SLC2A2: variants seen among roughly 807,000 people sequenced by gnomAD.
SLC2A2 encodes the protein solute carrier family 2, facilitated glucose transporter member 2.
In SLC2A2, 36 loss-of-function variants were observed where a neutral mutation model predicts 54.5. That is an observed-to-expected ratio of 0.66 (90% CI 0.51 to 0.87). The LOEUF is 0.87. Among genes scored for constraint, SLC2A2 ranks in the 40% least tolerant of loss-of-function variants. The pLI, the probability that SLC2A2 is intolerant of heterozygous loss-of-function variation, is 0.00. For missense variants in SLC2A2, 543 were observed against 624.3 expected (o/e 0.87, Z 1.39); for synonymous variants, 223 against 219.1 (o/e 1.02, Z -0.16).
At chr3:171,000,554 T>C (rs1315127432) in intron 8 of SLC2A2, among the ~76,000 whole-genome samples, 1 of 148,474 alleles carries the variant, frequency 6.7e-6, no homozygotes, top group Non-Finnish European at 1.5e-5. Context: ...CTCACGCAAA[T>C]CCTGGGCTCT....
At chr3:171,015,914 A>T (rs1021231441) in intron 2 of SLC2A2, among the ~76,000 whole-genome samples, 6 of 152,162 alleles carry the variant, frequency 3.9e-5, no homozygotes. Context: ...TATAATTCAG[A>T]TGAATTATAG....
chr3:171,020,378 C>T (rs1716396670), intron 1 of SLC2A2, among the ~76,000 whole-genome samples: 1 of 152,076 alleles, frequency 6.6e-6, no homozygotes, highest in Non-Finnish European at 1.5e-5. Context: ...GGATTAGAAT[C>T]TCTGGGGTGG....
intron 2 of SLC2A2, among the ~76,000 whole-genome samples, chr3:171,017,310 G>A (rs11924032): frequency 0.29 from 43,911 of 151,918 alleles, 6,677 homozygotes; most frequent in African/African-American, 0.38. Context: ...ACACAAAAAA[G>A]ATATGACCCT....
At chr3:171,010,176 G>A in intron 3 of SLC2A2, 94 bp from the exon 4 acceptor site, 1 of 1,296,172 alleles carries the variant, frequency 7.7e-7, no homozygotes. Context: ...TTTAACCTAA[G>A]AGCAATTATT....
At chr3:170,999,983 C>T (rs1715271623) in intron 8 of SLC2A2, among the ~76,000 whole-genome samples, 1 of 152,028 alleles carries the variant, frequency 6.6e-6, no homozygotes, top group African/African-American at 2.4e-5. Context: ...GCTGGTGAGT[C>T]ACTCTCCCCC....
intron 1 of SLC2A2, among the ~76,000 whole-genome samples, chr3:171,022,173 C>T (rs1400306390): frequency 6.6e-6 from 1 of 152,206 alleles, no homozygotes; most frequent in African/African-American, 2.4e-5. Context: ...ATTAGTTTAA[C>T]ATCTCACAGT....
intron 5 of SLC2A2, among the ~76,000 whole-genome samples, chr3:171,006,378 T>C (rs1007978403): frequency 3.3e-5 from 5 of 151,984 alleles, no homozygotes; most frequent in African/African-American, 7.2e-5. Flanking sequence ...TTAACTCCAA[T>C]TGGACAGTCA....
Position 171,009,828 on chromosome 3 carries a change from T to C in SLC2A2, c.496+130A>G, listed in dbSNP as rs1160794744. On this transcript the variant is annotated intron_variant, in intron 4 of 10. Coordinates refer to ENST00000314251, the MANE Select transcript of SLC2A2 (RefSeq NM_000340.2). Reference sequence around the variant, plus strand: ...GGATTTCAACTTTATGCTATTGCCTTTCCCTCTGTGATGTCACCCTAGACT... The same window carrying C: ...GGATTTCAACTTTATGCTATTGCCTCTCCCTCTGTGATGTCACCCTAGACT... 3.8e-6 allele frequency: 5 copies of C among 1,309,392 alleles called. No homozygotes were observed. In the African/African-American group the frequency reaches 7.4e-5, roughly 19 times the overall value. The allele number at this position is 1,309,392 out of a possible 1,614,324, so 81.1% of individuals were successfully genotyped here.
At position 171,019,945 on chromosome 3, in the gene SLC2A2, A is replaced by T. The variant is rs143420045; in HGVS notation, c.16-1322T>A. 3.5e-4 allele frequency among the ~76,000 whole-genome samples: 53 copies of T among 152,322 alleles called. 1 individual carries two copies. The highest frequency in any genetic ancestry group is 1.1e-3 in the African/African-American group (45 of 41,574). Reference sequence around the variant, plus strand: ...GAAGGAAATTTTTTCTTGTATTCATATGATTAGACATTTCATAAGGAAGAT... The same window carrying T: ...GAAGGAAATTTTTTCTTGTATTCATTTGATTAGACATTTCATAAGGAAGAT... On this transcript the variant is annotated intron_variant, in intron 1 of 10. Coordinates refer to ENST00000314251, the MANE Select transcript of SLC2A2 (RefSeq NM_000340.2).
At chr3:171,015,370 G>T (rs1427683438) in intron 2 of SLC2A2, among the ~76,000 whole-genome samples, 2 of 152,080 alleles carry the variant, frequency 1.3e-5, no homozygotes, top group Non-Finnish European at 2.9e-5. Flanking sequence ...CTTGGAGGGG[G>T]CTGAAGCGGG....
chr3:171,007,866 A>T (rs1010074234), intron 4 of SLC2A2, among the ~76,000 whole-genome samples: 1 of 152,092 alleles, frequency 6.6e-6, no homozygotes, highest in African/African-American at 2.4e-5. Flanking sequence ...AACCAGGGAA[A>T]CCCAGCTTCT....
At chr3:171,003,692 T>C (rs1386337581) in intron 7 of SLC2A2, among the ~76,000 whole-genome samples, 1 of 147,508 alleles carries the variant, frequency 6.8e-6, no homozygotes, top group Admixed American at 6.7e-5. Flanking sequence ...TGATTATGAA[T>C]AGTAATAATG....
chr3:171,018,582 C>CA lies in SLC2A2; in HGVS notation c.56dup (p.Ser21PhefsTer7). ...TGTCATATCCAAACTGGAAGGAACCCAGCACAGCAGTGATGACAGTGAAAA... is the reference window on the plus strand; with the variant it reads ...TGTCATATCCAAACTGGAAGGAACCCAAGCACAGCAGTGATGACAGTGAAAA... On this transcript the variant is annotated frameshift_variant, in exon 2 of 11. Coordinates refer to ENST00000314251, the MANE Select transcript of SLC2A2 (RefSeq NM_000340.2). LOFTEE classifies it high-confidence loss of function. The CA allele has an allele frequency of 6.2e-7, 1 of 1,614,064 alleles. No homozygotes were observed.
At chr3:171,015,030 T>A (rs1353272658) in intron 2 of SLC2A2, among the ~76,000 whole-genome samples, 2 of 152,210 alleles carry the variant, frequency 1.3e-5, no homozygotes, top group East Asian at 1.9e-4. Flanking sequence ...TGGTCAGGAT[T>A]GTGGAACTAG....
At chr3:171,018,080 G>C (rs1716235582) in intron 2 of SLC2A2, among the ~76,000 whole-genome samples, 1 of 152,170 alleles carries the variant, frequency 6.6e-6, no homozygotes, top group South Asian at 2.1e-4. Context: ...AGAGGATCCA[G>C]CTGGGGAGAT....
At chr3:171,015,498 A>G (rs1716106957) in intron 2 of SLC2A2, among the ~76,000 whole-genome samples, 2 of 152,166 alleles carry the variant, frequency 1.3e-5, no homozygotes, top group Admixed American at 6.5e-5. Context: ...CTGCAGGCTA[A>G]AAAGATACAT....
intron 2 of SLC2A2, among the ~76,000 whole-genome samples, chr3:171,015,473 A>G (rs2108258143): frequency 6.6e-6 from 1 of 152,248 alleles, no homozygotes; most frequent in Admixed American, 6.5e-5. Flanking sequence ...CCTTGTCTCA[A>G]AAAATATATA....
At chr3:171,025,869 A>G (rs940375170) in intron 1 of SLC2A2, among the ~76,000 whole-genome samples, 2 of 152,196 alleles carry the variant, frequency 1.3e-5, no homozygotes, top group Non-Finnish European at 2.9e-5. Context: ...AAAGTATCAT[A>G]TCTAGAGAGA....
chr3:171,006,532 A>G (rs148879664), intron 5 of SLC2A2, among the ~76,000 whole-genome samples: 6 of 152,116 alleles, frequency 3.9e-5, no homozygotes, highest in African/African-American at 1.4e-4. Flanking sequence ...TTTCCTTCTT[A>G]TATTACCCAG....
Sources: gnomAD v4.1 joint callset for allele counts (sites outside exome capture counted in the v4.1 genomes callset) on GRCh38, gnomAD v4.1.1 for gene constraint, MANE v1.5 for transcripts, NCBI Gene and HGNC (gene_info 2026-07-23, HGNC 2026-07-21) for gene names.